The following GABRA3 variants were observed in gnomAD, a reference collection of about 807,000 sequenced individuals.
GABRA3 encodes the protein gamma-aminobutyric acid type A receptor subunit alpha3.
In GABRA3, 10 loss-of-function variants were observed where a neutral mutation model predicts 30.1. The observed-to-expected ratio is 0.33, with a 90% CI of 0.20 to 0.56. The LOEUF (loss-of-function observed/expected upper bound fraction) is 0.56, where lower values mean the gene tolerates loss of function less well. GABRA3 is among the 20% of genes least tolerant of loss of function. The pLI is 0.89. For synonymous variants in GABRA3, 151 were observed against 146.8 expected (o/e 1.03, Z -0.21); for missense variants, 233 against 392.0 (o/e 0.59, Z 3.42).
At chrX:152,372,856 T>A (rs1197985659) in intron 1 of GABRA3, among the ~76,000 whole-genome samples, 1 of 112,190 alleles carries the variant, frequency 8.9e-6, no homozygotes, top group Non-Finnish European at 1.9e-5. Context: ...CTTCATTAAC[T>A]TTCCCCTGAA....
intron 1 of GABRA3, among the ~76,000 whole-genome samples, chrX:152,369,699 A>G (rs999230699): frequency 1.8e-5 from 2 of 111,312 alleles, no homozygotes; most frequent in Non-Finnish European, 3.8e-5. Flanking sequence ...CATACATCCT[A>G]TACAGTTGTC....
chrX:152,365,513 G>C (rs1372084823), intron 1 of GABRA3, among the ~76,000 whole-genome samples: 1 of 111,285 alleles, frequency 9.0e-6, no homozygotes, highest in Non-Finnish European at 1.9e-5. Context: ...ATAAAGTGAT[G>C]GTTACTTGCT....
At chrX:152,224,249 T>C (rs777981997) in intron 6 of GABRA3, among the ~76,000 whole-genome samples, 26 of 112,193 alleles carry the variant, frequency 2.3e-4, no homozygotes, top group African/African-American at 8.1e-4. Context: ...ATTTACTACT[T>C]TTTCTGTAAA....
intron 1 of GABRA3, among the ~76,000 whole-genome samples, chrX:152,433,018 A>C (rs1481064219): frequency 9.0e-6 from 1 of 111,400 alleles, no homozygotes; most frequent in Middle Eastern, 4.3e-3. Flanking sequence ...AAATAGATTA[A>C]CATATTATAA....
intron 3 of GABRA3, among the ~76,000 whole-genome samples, chrX:152,344,607 T>C (rs1940363336): frequency 8.9e-6 from 1 of 111,799 alleles, no homozygotes; most frequent in Non-Finnish European, 1.9e-5. Flanking sequence ...ACTTTTAAAA[T>C]AGTAATTTTA....
chrX:152,449,079 T>C (rs754790710), intron 1 of GABRA3, among the ~76,000 whole-genome samples: 87 of 112,284 alleles, frequency 7.7e-4, no homozygotes, highest in African/African-American at 2.7e-3. Flanking sequence ...TGTGGTCTTA[T>C]TGGATCCAAG....
chrX:152,242,460 T>C (rs750050808), intron 5 of GABRA3, among the ~76,000 whole-genome samples: 1 of 111,915 alleles, frequency 8.9e-6, no homozygotes, highest in Non-Finnish European at 1.9e-5. Flanking sequence ...AGGAAACAGT[T>C]AACACAGTGA....
chrX:152,343,943 T>C (rs1940353258), intron 3 of GABRA3, among the ~76,000 whole-genome samples: 1 of 111,486 alleles, frequency 9.0e-6, no homozygotes, highest in Non-Finnish European at 1.9e-5. Flanking sequence ...CACACATACA[T>C]ATACATATAT....
chrX:152,407,027 TA>T (rs1259758092), intron 1 of GABRA3, among the ~76,000 whole-genome samples: 1 of 112,165 alleles, frequency 8.9e-6, no homozygotes, highest in Admixed American at 9.5e-5. Context: ...AAAAGATTTT[TA>T]AAAAATTCTT....
chrX:152,234,683 G>T (rs1938161335), intron 5 of GABRA3, among the ~76,000 whole-genome samples: 1 of 111,320 alleles, frequency 9.0e-6, no homozygotes, highest in Non-Finnish European at 1.9e-5. Flanking sequence ...ACCTTCTTCT[G>T]CGTATTGCAA....
intron 1 of GABRA3, among the ~76,000 whole-genome samples, chrX:152,367,318 G>A (rs1195360140): frequency 1.8e-5 from 2 of 111,607 alleles, no homozygotes; most frequent in Non-Finnish European, 3.8e-5. Flanking sequence ...AACAGGAGGA[G>A]ACAACTCTTG....
intron 3 of GABRA3, among the ~76,000 whole-genome samples, chrX:152,291,946 A>G (rs1385154583): frequency 8.9e-6 from 1 of 111,868 alleles, no homozygotes; most frequent in Non-Finnish European, 1.9e-5. Flanking sequence ...TTTTGCATCA[A>G]TGTTCATCAG....
chrX:152,328,585 C>G (rs754731083), intron 3 of GABRA3, among the ~76,000 whole-genome samples: 1 of 111,903 alleles, frequency 8.9e-6, no homozygotes, highest in East Asian at 2.8e-4. Context: ...ATAAACAGAA[C>G]CAAAGACAAA....
intron 1 of GABRA3, among the ~76,000 whole-genome samples, chrX:152,385,424 A>G (rs1057196784): frequency 4.5e-5 from 5 of 112,094 alleles, no homozygotes; most frequent in Non-Finnish European, 7.5e-5. Context: ...CCATACCACA[A>G]TGAAACAGAA....
Position 152,241,327 on chromosome X carries a change from G to C in GABRA3, c.551+14451C>G, listed in dbSNP as rs531341300. ...GGCTGCTCAGGGGTCAGGGGTCAGG[G>C]GTCAGGGACCCACTTGAGGAGGCAG... is the stretch of plus-strand genomic sequence containing the variant. On this transcript the variant is annotated intron_variant, in intron 5 of 9. Transcript: ENST00000370314. Among the ~76,000 whole-genome samples the C allele has an allele frequency of 1.6e-4, 14 of 89,663 alleles. No individual in the cohort carries two copies. In the South Asian group the frequency reaches 6.2e-3, roughly 40 times the overall value. 77.9% of individuals were successfully genotyped at this position (89,663 alleles called of 115,157 possible). A position where few individuals can be genotyped will look rare whatever the true frequency, so the allele number is the denominator to read the frequency against.
intron 4 of GABRA3, among the ~76,000 whole-genome samples, chrX:152,266,996 C>A (rs1440730593): frequency 2.7e-5 from 3 of 111,500 alleles, no homozygotes; most frequent in Non-Finnish European, 5.7e-5. Context: ...CAGAAAGATG[C>A]AAAAAGGAAT....
rs186205469 is a variant in GABRA3 at position 152,223,932 on chromosome X, G to C, written c.634+831C>G. Among the ~76,000 whole-genome samples the C allele has an allele frequency of 7.2e-5, 8 of 111,143 alleles. No homozygotes were observed. The East Asian group carries it at 1.1e-3, about 16-fold the overall frequency. ...TATAATATAGCTCCAAAAGAGCAAG[G>C]CTTTTGTTTTATTCACGGATGCATT... On this transcript the variant is annotated intron_variant, in intron 6 of 9. Coordinates refer to ENST00000370314, the MANE Select transcript of GABRA3 (RefSeq NM_000808.4).
At chrX:152,315,162 G>A (rs188674239) in intron 3 of GABRA3, among the ~76,000 whole-genome samples, 20 of 111,309 alleles carry the variant, frequency 1.8e-4, no homozygotes, top group Admixed American at 5.7e-4. Context: ...CCGGGAGACA[G>A]CCGGAATACT....
At chrX:152,317,550 A>T (rs760014704) in intron 3 of GABRA3, among the ~76,000 whole-genome samples, 2 of 112,033 alleles carry the variant, frequency 1.8e-5, no homozygotes, top group East Asian at 5.6e-4. Flanking sequence ...TTTCTCCAAG[A>T]TAGACCATAT....
Sources: gnomAD v4.1 joint callset for allele counts (sites outside exome capture counted in the v4.1 genomes callset) on GRCh38, gnomAD v4.1.1 for gene constraint, MANE v1.5 for transcripts, NCBI Gene and HGNC (gene_info 2026-07-23, HGNC 2026-07-21) for gene names.